LRRC37A3: variants seen among roughly 807,000 people sequenced by gnomAD.
The protein encoded by LRRC37A3 is leucine-rich repeat-containing protein 37A3.
LRRC37A3 carries 25 observed loss-of-function variants against 106.2 expected under a neutral mutation model. The ratio of observed to expected loss-of-function variants is 0.24; its 90% confidence interval spans 0.17 to 0.33. The LOEUF is 0.33. LRRC37A3 is among the 10% of genes least tolerant of loss of function. The pLI is 1.00. For synonymous variants in LRRC37A3, 305 were observed against 635.8 expected (o/e 0.48, Z 7.83); for missense variants, 712 against 1,644.9 (o/e 0.43, Z 9.81).
chr17:64,913,221 G>C (rs1974628999), intron 2 of LRRC37A3, among the ~76,000 whole-genome samples: 1 of 151,620 alleles, frequency 6.6e-6, no homozygotes. Flanking sequence ...TAGAGACGGG[G>C]TTTCACCATC....
chr17:64,914,241 C>T (rs1393390560), intron 2 of LRRC37A3, among the ~76,000 whole-genome samples: 1 of 151,712 alleles, frequency 6.6e-6, no homozygotes, highest in Non-Finnish European at 1.5e-5. Context: ...ACATGTATCA[C>T]AAATTCTAAG....
chr17:64,881,252 C>CT (rs1018394996), intron 8 of LRRC37A3: 24 of 695,456 alleles, frequency 3.5e-5, no homozygotes, highest in South Asian at 1.6e-4. Context: ...CTTTTCTTTT[C>CT]TTTTTTTTGA....
chr17:64,860,075 C>T lies in LRRC37A3; in HGVS notation c.4071G>A (p.Gly1357=). 5 of 1,613,840 alleles carry T rather than the reference C, an allele frequency of 3.1e-6. No individual in the cohort carries two copies. The highest frequency in any genetic ancestry group is 4.2e-6 in the Non-Finnish European group (5 of 1,179,858). ...TCAGGTCTCTTAAGGATGAAAAAGC[C>T]CCTTGTGAAGGGGAATTTATGAGGC... ...AKSLINSPSQ[G]AFSSLRDLSP... is the part of the protein sequence containing the mutation. Residue 1357 remains glycine, a synonymous_variant, in exon 12 of 15, where the codon GGG becomes GGA. Transcript: ENST00000584306.
intron 10 of LRRC37A3, among the ~76,000 whole-genome samples, chr17:64,866,619 TATATA>T (rs1973106188): frequency 3.9e-5 from 1 of 25,840 alleles, no homozygotes; most frequent in East Asian, 1.3e-3. Context: ...TATATATATA[TATATA>T]TATATTTTTT....
intron 14 of LRRC37A3, among the ~76,000 whole-genome samples, chr17:64,855,535 G>T (rs1459739821): frequency 6.7e-6 from 1 of 150,364 alleles, no homozygotes; most frequent in African/African-American, 2.5e-5. Context: ...AATTTCACTG[G>T]AGCCAGGCTA....
intron 8 of LRRC37A3, among the ~76,000 whole-genome samples, chr17:64,883,586 T>C (rs1471241354): frequency 4.0e-5 from 6 of 150,720 alleles, no homozygotes; most frequent in Non-Finnish European, 8.9e-5. Flanking sequence ...GCCTCTTTTT[T>C]TGTTTGTTTT....
At chr17:64,909,320 T>C (rs1187124452) in intron 2 of LRRC37A3, among the ~76,000 whole-genome samples, 3 of 152,162 alleles carry the variant, frequency 2.0e-5, no homozygotes, top group Non-Finnish European at 2.9e-5. Context: ...TTTGCTATTA[T>C]CACATTTCAG....
intron 13 of LRRC37A3, among the ~76,000 whole-genome samples, chr17:64,857,097 G>A (rs1390269012): frequency 6.6e-6 from 1 of 152,250 alleles, no homozygotes; most frequent in Non-Finnish European, 1.5e-5. Flanking sequence ...AATGATAAAT[G>A]TTAGCCAAAG....
chr17:64,869,612 T>C (rs564077153), intron 8 of LRRC37A3, among the ~76,000 whole-genome samples: 85 of 147,730 alleles, frequency 5.8e-4, no homozygotes, highest in African/African-American at 2.1e-3. Context: ...CTTGGCTCAC[T>C]GCAACCTCCG....
intron 10 of LRRC37A3, 40 bp from the exon 11 acceptor site, chr17:64,863,058 C>T (rs200407504): frequency 2.9e-5 from 47 of 1,596,696 alleles, no homozygotes; most frequent in African/African-American, 2.8e-4. Flanking sequence ...AGCGGTAAAG[C>T]GGTTACTTGA....
In LRRC37A3 at chr17:64,860,180, T is replaced by G. The variant is rs1972819602; in HGVS notation, c.3966A>C (p.Lys1322Asn). ...SRMTHRTPKV[K>N]KSPKVRKKSY... is the part of the protein sequence containing the mutation. ...TTTTCTTTCTGACCTTTGGACTCTT[T>G]TTGACCTTGGGTGTTCTGTGGGTCA... Residue 1322 changes from lysine (K) to asparagine (N), a missense_variant, in exon 12 of 15, where the codon AAA (lysine) becomes AAC (asparagine). Physicochemically the swap from Lys to Asn is moderately conservative, Grantham distance 94 (BLOSUM62 0). Transcript: ENST00000584306. 8.1e-6 allele frequency: 13 copies of G among 1,614,002 alleles called. No homozygotes were observed. The highest frequency in any genetic ancestry group is 1.1e-5 in the Non-Finnish European group (13 of 1,179,872).
At chr17:64,909,826 A>T (rs1974545133) in intron 2 of LRRC37A3, 2 of 152,148 alleles carry the variant, frequency 1.3e-5, no homozygotes, top group South Asian at 4.1e-4. Flanking sequence ...AAAAATGGAG[A>T]ACCAAAGAAC....
intron 8 of LRRC37A3, among the ~76,000 whole-genome samples, chr17:64,874,511 C>T (rs1434719409): frequency 7.5e-5 from 11 of 146,680 alleles, no homozygotes; most frequent in Admixed American, 1.4e-4. Flanking sequence ...CCGCCCCGTC[C>T]GGGAGGTGGG....
rs375017073 is a variant in LRRC37A3 at position 64,860,881 on chromosome 17, G to A, written c.3265C>T (p.Pro1089Ser). Residue 1089 changes from proline to serine, a missense_variant, in exon 12 of 15, where the codon CCG (proline) becomes TCG (serine). By Grantham distance (74) the Pro-to-Ser change is moderately conservative. Transcript: ENST00000584306. ...CCACTGCTGTCTGAGGGCTCCTCCG[G>A]CTCAATAATCAGCTCAGTGCTTGTG... ...NYTSTELIIE[P>S]EEPSDSSGIN... 3.7e-6 allele frequency: 6 copies of A among 1,614,054 alleles called. No homozygotes were observed. The highest frequency in any genetic ancestry group is 5.1e-6 in the Non-Finnish European group (6 of 1,180,034).
chr17:64,868,494 G>A lies in LRRC37A3; in HGVS notation c.3021C>T (p.Asn1007=), dbSNP rs752085996. ...CCAGTTCAACAGTCATCATGAGAAT[G>A]TTCTTAAGTGTTGTAAGTGGGACTA... The part of the protein sequence containing the change: ...TTLVPLTTLK[N]ILMMTVELEK... The change falls in exon 10 of 15, where the codon AAC becomes AAT. Residue 1007 remains asparagine, a synonymous_variant. Transcript: ENST00000584306. 22 of 1,609,974 alleles carry A rather than the reference G, an allele frequency of 1.4e-5. No individual in the cohort carries two copies. The African/African-American group carries it at 2.5e-4, about 19-fold the overall frequency.
chr17:64,864,838 T>TG (rs1285634694), intron 10 of LRRC37A3, among the ~76,000 whole-genome samples: 3 of 151,972 alleles, frequency 2.0e-5, no homozygotes, highest in South Asian at 4.2e-4. Flanking sequence ...GCAGAGGTTG[T>TG]GGGGGGCCTT....
intron 10 of LRRC37A3, 64 bp from the exon 11 acceptor site, chr17:64,863,082 G>A: frequency 6.3e-7 from 1 of 1,584,388 alleles, no homozygotes; most frequent in Non-Finnish European, 8.6e-7. Flanking sequence ...GGTAAAGGAG[G>A]CAGCCAACAC....
intron 11 of LRRC37A3, among the ~76,000 whole-genome samples, chr17:64,862,528 G>T (rs955854461): frequency 5.9e-5 from 9 of 151,718 alleles, no homozygotes; most frequent in African/African-American, 2.2e-4. Flanking sequence ...GAGTACTTGA[G>T]ATCTCATGGA....
intron 8 of LRRC37A3, among the ~76,000 whole-genome samples, chr17:64,877,270 C>T (rs1313661176): frequency 1.3e-5 from 2 of 152,146 alleles, no homozygotes; most frequent in Admixed American, 6.5e-5. Context: ...GGCGTGACCT[C>T]GGCTTACTGC....
Sources: gnomAD v4.1 joint callset for allele counts (sites outside exome capture counted in the v4.1 genomes callset) on GRCh38, gnomAD v4.1.1 for gene constraint, MANE v1.5 for transcripts, NCBI Gene and HGNC (gene_info 2026-07-23, HGNC 2026-07-21) for gene names.